IFT81: variants seen among roughly 807,000 people sequenced by gnomAD.
IFT81 encodes intraflagellar transport protein 81 homolog.
A neutral mutation model predicts 102.6 loss-of-function variants in IFT81; 72 were observed. The observed-to-expected ratio is 0.70, with a 90% CI of 0.58 to 0.85. IFT81 has a LOEUF of 0.85. IFT81 is among the 40% of genes least tolerant of loss of function. The pLI is 0.00. For synonymous variants in IFT81, 237 were observed against 242.7 expected, an observed-to-expected ratio of 0.98 and a Z score of 0.22; for missense variants, 723 against 787.3, an observed-to-expected ratio of 0.92 and a Z score of 0.98.
Position 110,211,713 on chromosome 12 carries a change from C to T in IFT81, c.1848+2497C>T, listed in dbSNP as rs933282923. On this transcript the variant is annotated intron_variant, in intron 18 of 18. Coordinates refer to ENST00000242591, the MANE Select transcript of IFT81 (RefSeq NM_014055.4). ...GTAGAGATGGGGTTTCGCCATGTTG[C>T]CCAGGCTGGTCTCAAACTCCTGAGC... 9.9e-5 allele frequency among the ~76,000 whole-genome samples: 15 copies of T among 151,774 alleles called. No individual in the cohort carries two copies. The South Asian group carries it at 1.2e-3, about 13-fold the overall frequency.
rs764830336 is a variant in IFT81, at chr12:110,191,055, A to G, written c.1467+7A>G. On this transcript the variant is annotated splice_region_variant and intron_variant, in intron 13 of 18. Transcript: ENST00000242591. ...GGATGATATGTCTGAAATGGTGATG[A>G]TACTTTTATTTAAATTTTCTTTTAT... is the stretch of plus-strand genomic sequence containing the variant. The G allele has an allele frequency of 6.3e-7, 1 of 1,590,476 alleles. No individual in the cohort carries two copies. Among genetic ancestry groups the G allele is most frequent in the Middle Eastern group, 1.7e-4 (1 of 5,820 alleles).
chr12:110,162,998 GAGAAGCATCAGTAA>G lies in IFT81; in HGVS notation c.1125_1138del (p.Ala376LysfsTer5). 6 of 1,614,020 alleles carry G rather than the reference GAGAAGCATCAGTAA, an allele frequency of 3.7e-6. No homozygotes were observed. Among genetic ancestry groups the G allele is most frequent in the Non-Finnish European group, 5.1e-6 (6 of 1,179,944 alleles). ...AAGGAGAAGTTAGCCAGCCTAGAGA[GAGAAGCATCAGTAA>G]AGAGAAATCAGACCCGTGAATTTGA... On this transcript the variant is annotated frameshift_variant, in exon 11 of 19. Coordinates refer to ENST00000242591, the MANE Select transcript of IFT81 (RefSeq NM_014055.4). LOFTEE classifies it high-confidence loss of function.
intron 8 of IFT81, among the ~76,000 whole-genome samples, chr12:110,141,617 C>A (rs1265274857): frequency 6.6e-6 from 1 of 152,132 alleles, no homozygotes; most frequent in Non-Finnish European, 1.5e-5. Context: ...AAGTGGCTCA[C>A]GCATGTAATC....
At chr12:110,173,453 C>G (rs948681718) in intron 11 of IFT81, among the ~76,000 whole-genome samples, 2 of 152,238 alleles carry the variant, frequency 1.3e-5, no homozygotes, top group African/African-American at 4.8e-5. Context: ...ACCATCCCGT[C>G]TGGGAGGTGT....
chr12:110,158,749 C>G (rs891015077), intron 10 of IFT81, among the ~76,000 whole-genome samples: 29 of 152,252 alleles, frequency 1.9e-4, no homozygotes, highest in African/African-American at 6.7e-4. Context: ...GCCACCACGC[C>G]CGTCTAATTT....
At position 110,124,418 on chromosome 12, in the gene IFT81, A is replaced by C. The variant is rs1018877174; in HGVS notation, c.-465A>C. 6.6e-6 allele frequency: 1 copy of C among 151,662 alleles called. No homozygotes were observed. Among genetic ancestry groups the C allele is most frequent in the Non-Finnish European group, 1.5e-5 (1 of 68,116 alleles). The allele number at this position is 151,662 out of a possible 1,614,324, so 9.4% of individuals were successfully genotyped here. ...CCCGGGCGCCTCCTGGGGGGTGGGG[A>C]AACGGTTTCGTGAGGAGAATTTGAG... On this transcript the variant is annotated 5_prime_UTR_variant, in exon 1 of 19. Coordinates refer to ENST00000242591, the MANE Select transcript of IFT81 (RefSeq NM_014055.4).
chr12:110,143,586 G>T, intron 9 of IFT81, 41 bp downstream of exon 9: 1 of 1,455,392 alleles, frequency 6.9e-7, no homozygotes, highest in South Asian at 1.4e-5. Flanking sequence ...AATTTTATCT[G>T]ATCCCCAGTC....
At chr12:110,198,844 T>G (rs1263163478) in intron 14 of IFT81, among the ~76,000 whole-genome samples, 5 of 151,582 alleles carry the variant, frequency 3.3e-5, no homozygotes, top group Non-Finnish European at 7.4e-5. Context: ...AGAGTCTTGC[T>G]CTTCGCCCAG....
intron 11 of IFT81, among the ~76,000 whole-genome samples, chr12:110,166,033 C>T (rs1896416826): frequency 6.6e-6 from 1 of 152,160 alleles, no homozygotes; most frequent in South Asian, 2.1e-4. Flanking sequence ...TGCCGTTTAC[C>T]AGCTGGATGA....
At chr12:110,183,350 G>A (rs1897387404) in intron 12 of IFT81, among the ~76,000 whole-genome samples, 1 of 152,180 alleles carries the variant, frequency 6.6e-6, no homozygotes, top group Admixed American at 6.5e-5. Context: ...CCACAAAATA[G>A]GGGGTTGGTT....
rs541830147 is a variant in IFT81 at position 110,184,139 on chromosome 12, A to G, written c.1338+3568A>G. Among the ~76,000 whole-genome samples the G allele has an allele frequency of 3.2e-4, 49 of 152,300 alleles. No homozygotes were observed. The South Asian group carries it at 4.3e-3, about 14-fold the overall frequency. ...GCCGAGGCGGGTGGATCACGAGGTC[A>G]GGAGATCGAGACCATCTTGGCTAAC... On this transcript the variant is annotated intron_variant, in intron 12 of 18. Transcript: ENST00000242591.
intron 11 of IFT81, among the ~76,000 whole-genome samples, chr12:110,169,817 C>A (rs558038380): frequency 6.6e-6 from 1 of 152,248 alleles, no homozygotes; most frequent in South Asian, 2.1e-4. Flanking sequence ...CCCACCTCGG[C>A]TTCCCAAAGT....
At chr12:110,179,806 A>ACACACC (rs1897239799) in intron 11 of IFT81, among the ~76,000 whole-genome samples, 1 of 133,970 alleles carries the variant, frequency 7.5e-6, no homozygotes, top group Non-Finnish European at 1.6e-5. Context: ...ACACACACAC[A>ACACACC]TTTTATATGT....
At position 110,147,011 on chromosome 12, in the gene IFT81, A is replaced by G; in HGVS notation, c.1004A>G (p.Glu335Gly). Residue 335 changes from glutamate (E) to glycine (G), a missense_variant, in exon 10 of 19, where the codon GAG becomes GGG. Transcript: ENST00000242591. ...ATTGAAAAGAAAATGATGAGAAATG[A>G]GCCCATTGAAGGCAAACTCTCACTG... is the stretch of plus-strand genomic sequence containing the variant. ...QLIEKKMMRN[E>G]PIEGKLSLYR... 2 of 1,611,936 alleles carry G rather than the reference A, an allele frequency of 1.2e-6. No homozygotes were observed. The highest frequency in any genetic ancestry group is 1.7e-6 in the Non-Finnish European group (2 of 1,179,034).
intron 4 of IFT81, among the ~76,000 whole-genome samples, chr12:110,129,963 G>GA (rs1894066077): frequency 6.6e-6 from 1 of 151,870 alleles, no homozygotes. Flanking sequence ...AATAAATTCT[G>GA]AGGCCCATAG....
chr12:110,168,259 G>A (rs1265594055), intron 11 of IFT81: 1 of 152,438 alleles, frequency 6.6e-6, no homozygotes, highest in Non-Finnish European at 1.5e-5. Flanking sequence ...GTAGAACCAG[G>A]AGTTGGATTT....
chr12:110,149,310 C>A (rs1281797581), intron 10 of IFT81, among the ~76,000 whole-genome samples: 2 of 152,140 alleles, frequency 1.3e-5, no homozygotes, highest in Non-Finnish European at 2.9e-5. Context: ...TTCTTTAGTG[C>A]CCCACTGCTC....
intron 9 of IFT81, among the ~76,000 whole-genome samples, chr12:110,145,214 G>T (rs545781541): frequency 6.6e-6 from 1 of 151,128 alleles, no homozygotes; most frequent in Non-Finnish European, 1.5e-5. Context: ...TGAATTTTTT[G>T]TACAGACAGG....
intron 14 of IFT81, among the ~76,000 whole-genome samples, chr12:110,199,573 C>T (rs886871912): frequency 6.6e-6 from 1 of 152,178 alleles, no homozygotes; most frequent in African/African-American, 2.4e-5. Context: ...TCAACTATAG[C>T]ACCTTCATCT....
Sources: allele counts gnomAD v4.1 joint callset (sites outside exome capture counted in the v4.1 genomes callset), GRCh38; gene constraint gnomAD v4.1.1; transcripts MANE v1.5; gene names NCBI Gene and HGNC (gene_info 2026-07-23, HGNC 2026-07-21).